Variants in RYR2 observed in about 807,000 individuals in gnomAD.
The protein encoded by RYR2 is ryanodine receptor 2.
RYR2 carries 227 observed loss-of-function variants against 601.1 expected under a neutral mutation model. That is an observed-to-expected ratio of 0.38 (90% CI 0.34 to 0.42). The LOEUF (loss-of-function observed/expected upper bound fraction) is 0.42. RYR2 is among the 10% of genes least tolerant of loss of function. The pLI is 1.00. For missense variants in RYR2, 4,646 were observed against 6,156.5 expected, an observed-to-expected ratio of 0.75 and a Z score of 8.21; for synonymous variants, 2,223 against 2,175.1, an observed-to-expected ratio of 1.02 and a Z score of -0.61.
At chr1:237,532,938 A>G (rs747287932) in intron 25 of RYR2, among the ~76,000 whole-genome samples, 1 of 152,224 alleles carries the variant, frequency 6.6e-6, no homozygotes, top group Admixed American at 6.5e-5. Flanking sequence ...CCCCATGACA[A>G]TCATCTCAAT....
At chr1:237,302,938 T>C (rs1169606956) in intron 2 of RYR2, among the ~76,000 whole-genome samples, 5 of 152,212 alleles carry the variant, frequency 3.3e-5, no homozygotes, top group Admixed American at 6.5e-5. Context: ...TACAATCTTC[T>C]GAGCTGTGTT....
chr1:237,550,016 C>A (rs952568136), intron 26 of RYR2, among the ~76,000 whole-genome samples: 1 of 151,106 alleles, frequency 6.6e-6, no homozygotes, highest in Non-Finnish European at 1.5e-5. Flanking sequence ...TTTTAGTGCC[C>A]CTGGCATTGC....
intron 1 of RYR2, among the ~76,000 whole-genome samples, chr1:237,198,352 G>T (rs1397720335): frequency 6.6e-6 from 1 of 151,646 alleles, no homozygotes; most frequent in Admixed American, 6.6e-5. Context: ...CATGAATTGT[G>T]GTGTGCGGTG....
intron 38 of RYR2, among the ~76,000 whole-genome samples, chr1:237,623,316 GATTTTGAGC>G (rs1679258828): frequency 2.1e-5 from 3 of 146,326 alleles, no homozygotes; most frequent in Admixed American, 2.0e-4. Flanking sequence ...AACAATCAGA[GATTTTGAGC>G]ATTTTTGCTT....
intron 10 of RYR2, among the ~76,000 whole-genome samples, chr1:237,407,823 A>G (rs1451870812): frequency 1.3e-5 from 2 of 151,852 alleles, no homozygotes; most frequent in Non-Finnish European, 2.9e-5. Flanking sequence ...TCACCGTGTT[A>G]GCCAGGATGG....
intron 25 of RYR2, among the ~76,000 whole-genome samples, chr1:237,538,394 C>A (rs1366822814): frequency 0.075 from 2,288 of 30,536 alleles, 2 homozygotes; most frequent in African/African-American, 0.088. Flanking sequence ...GACTCTGTCT[C>A]AAAAAAAAAA....
At chr1:237,795,481 T>C in intron 96 of RYR2, 150 bp downstream of exon 96, 1 of 488,822 alleles carries the variant, frequency 2.0e-6, no homozygotes, top group Non-Finnish European at 3.7e-6. Context: ...AGATGGAGTC[T>C]CACTCCGTCA....
rs560663805 is a variant in RYR2 at position 237,782,985 on chromosome 1, TTATGATATA to T, written c.11963-687_11963-679del. Among the ~76,000 whole-genome samples, 77 of 152,316 alleles carry T rather than the reference TTATGATATA, an allele frequency of 5.1e-4. No individual in the cohort carries two copies. The East Asian group carries it at 0.013, about 26-fold the overall frequency. Reference sequence around the variant, plus strand: ...GCGACCTTTCTTCTCCTGCCTGTCTTTATGATATATAGCACGTTCTGTTCAATGAATAAA... The same window carrying T: ...GCGACCTTTCTTCTCCTGCCTGTCTTTAGCACGTTCTGTTCAATGAATAAA... On this transcript the variant is annotated intron_variant, in intron 89 of 104. Transcript: ENST00000366574.
At chr1:237,222,314 G>C (rs1218240643) in intron 1 of RYR2, among the ~76,000 whole-genome samples, 1 of 151,902 alleles carries the variant, frequency 6.6e-6, no homozygotes, top group Non-Finnish European at 1.5e-5. Context: ...TCGGGAGGCT[G>C]AGGCAGGAGA....
intron 3 of RYR2, among the ~76,000 whole-genome samples, chr1:237,344,546 G>A (rs1023880922): frequency 3.3e-5 from 5 of 151,892 alleles, no homozygotes; most frequent in South Asian, 4.2e-4. Context: ...ACCACCCCTC[G>A]CTTCTCTGCA....
chr1:237,813,578 C>T (rs761299827), intron 100 of RYR2, among the ~76,000 whole-genome samples: 7 of 152,168 alleles, frequency 4.6e-5, no homozygotes, highest in African/African-American at 9.6e-5. Context: ...GAACCTCACT[C>T]TCAGTATGCA....
At chr1:237,586,159 A>G (rs1674500928) in intron 29 of RYR2, among the ~76,000 whole-genome samples, 1 of 152,198 alleles carries the variant, frequency 6.6e-6, no homozygotes, top group Admixed American at 6.5e-5. Flanking sequence ...CCCTGCAGAA[A>G]AGTGCAAAAA....
chr1:237,694,052 T>C (rs151290888), intron 63 of RYR2, among the ~76,000 whole-genome samples: 2,112 of 152,172 alleles, frequency 0.014, 31 homozygotes, highest in South Asian at 0.058. Flanking sequence ...CCCAGCACTC[T>C]GGGAGGCTGA....
chr1:237,375,558 C>A (rs1572038445), intron 7 of RYR2, among the ~76,000 whole-genome samples: 1 of 152,140 alleles, frequency 6.6e-6, no homozygotes, highest in East Asian at 1.9e-4. Flanking sequence ...AAAGTATTTA[C>A]CCATATTTAC....
chr1:237,610,717 A>AG lies in RYR2; in HGVS notation c.4684-42dup, dbSNP rs1342230930. 6.8e-7 allele frequency: 1 copy of AG among 1,472,604 alleles called. No individual in the cohort carries two copies. Among genetic ancestry groups the AG allele is most frequent in the South Asian group, 1.2e-5 (1 of 80,162 alleles). 91.2% of individuals were successfully genotyped at this position (1,472,604 alleles called of 1,614,324 possible). On this transcript the variant is annotated intron_variant, in intron 35 of 104. Coordinates refer to ENST00000366574, the MANE Select transcript of RYR2 (RefSeq NM_001035.3). The surrounding 1 kb of genome is among the most constrained non-coding windows in gnomAD (Gnocchi z 4.9). ...TCTAGTCATTACTTTGTGAACCCCA[A>AG]GGGATGTTCTACATTTATTCTTTTT...
intron 39 of RYR2, among the ~76,000 whole-genome samples, chr1:237,624,811 A>C (rs1040838375): frequency 6.6e-6 from 1 of 152,100 alleles, no homozygotes; most frequent in Non-Finnish European, 1.5e-5. Context: ...AAGAAAATGA[A>C]CCAGCTGTTT....
chr1:237,208,143 T>C (rs909116012), intron 1 of RYR2, among the ~76,000 whole-genome samples: 2 of 152,252 alleles, frequency 1.3e-5, no homozygotes, highest in Non-Finnish European at 2.9e-5. Context: ...TGCATGCATT[T>C]TGTAATTGTT....
At chr1:237,186,682 C>G (rs191123084) in intron 1 of RYR2, among the ~76,000 whole-genome samples, 2 of 152,240 alleles carry the variant, frequency 1.3e-5, no homozygotes, top group East Asian at 3.9e-4. Context: ...ATCACTGTGC[C>G]GAAAAGCACA....
intron 1 of RYR2, among the ~76,000 whole-genome samples, chr1:237,068,681 AAGTCTTTACTG>A (rs1471572212): frequency 6.6e-6 from 1 of 152,144 alleles, no homozygotes; most frequent in African/African-American, 2.4e-5. Context: ...TTCCTCAAAA[AAGTCTTTACTG>A]TGTTATGATT....
Sources: gnomAD v4.1 joint callset for allele counts (sites outside exome capture counted in the v4.1 genomes callset) on GRCh38, gnomAD v4.1.1 for gene constraint, Gnocchi (gnomAD v3.1) non-coding constraint, MANE v1.5 for transcripts, NCBI Gene and HGNC (gene_info 2026-07-23, HGNC 2026-07-21) for gene names.